The following GPR39 variants were observed in gnomAD, a reference collection of about 807,000 sequenced individuals.
GPR39 encodes G protein-coupled receptor 39.
GPR39 carries 23 observed loss-of-function variants against 18.4 expected under a neutral mutation model. That is an observed-to-expected ratio of 1.25 (90% confidence interval 0.90 to 1.77). The LOEUF (loss-of-function observed/expected upper bound fraction) is 1.77. Ranked by LOEUF, GPR39 falls within the 40% of genes most tolerant of loss-of-function variation. GPR39 has a pLI of 0.00. For missense variants in GPR39, 647 were observed against 602.4 expected (o/e 1.07, Z -0.78); for synonymous variants, 280 against 257.9 (o/e 1.09, Z -0.82).
In GPR39 at chr2:132,645,645, C is replaced by T. The variant is rs375631874; in HGVS notation, c.*39C>T. 6.3e-6 allele frequency: 10 copies of T among 1,577,478 alleles called. No homozygotes were observed. The highest frequency in any genetic ancestry group is 2.7e-5 in the African/African-American group (2 of 73,578). Reference sequence around the variant, plus strand: ...GAGCCTTGAGTGGGAACTGGCCCTCCAGCCCTAAGAAAACGTCACTCTCAC... The same window carrying T: ...GAGCCTTGAGTGGGAACTGGCCCTCTAGCCCTAAGAAAACGTCACTCTCAC... On this transcript the variant is annotated 3_prime_UTR_variant, in exon 2 of 2. Coordinates refer to ENST00000329321, the MANE Select transcript of GPR39 (RefSeq NM_001508.3).
rs151245156 is a variant in GPR39, at chr2:132,486,931, C to T, written c.856+69033C>T. ...TCAGCCTAACTCGGCTTTCGACAAG[C>T]CTTTCTTACTAAGCTTAATCATTTT... On this transcript the variant is annotated intron_variant, in intron 1 of 1. Coordinates refer to ENST00000329321, the MANE Select transcript of GPR39 (RefSeq NM_001508.3). Among the ~76,000 whole-genome samples, 296 of 152,300 alleles carry T rather than the reference C, an allele frequency of 1.9e-3. 3 individuals are homozygous for T. Among genetic ancestry groups the T allele is most frequent in the African/African-American group, 7.0e-3 (290 of 41,550 alleles).
At position 132,515,173 on chromosome 2, in the gene GPR39, G is replaced by C. The variant is rs79261368; in HGVS notation, c.856+97275G>C. 2.0e-5 allele frequency among the ~76,000 whole-genome samples: 3 copies of C among 152,194 alleles called. No individual in the cohort carries two copies. In the East Asian group the frequency reaches 5.8e-4, roughly 29 times the overall value. On this transcript the variant is annotated intron_variant, in intron 1 of 1. Coordinates refer to ENST00000329321, the MANE Select transcript of GPR39 (RefSeq NM_001508.3). ...GACTTCAGCAAGTCACCAGCAGTAG[G>C]TGGCGTTCTGCCAAGGTTTCCACCA...
intron 1 of GPR39, among the ~76,000 whole-genome samples, chr2:132,543,625 G>A (rs545331738): frequency 4.5e-4 from 68 of 152,320 alleles, no homozygotes; most frequent in Non-Finnish European, 6.2e-4. Context: ...GTTTAAGTGC[G>A]TGTTATCTGG....
intron 1 of GPR39, among the ~76,000 whole-genome samples, chr2:132,486,563 G>C (rs1681343826): frequency 1.3e-5 from 2 of 152,200 alleles, no homozygotes; most frequent in African/African-American, 4.8e-5. Flanking sequence ...AGCACTTGCT[G>C]CTTCACTTTG....
chr2:132,512,519 G>T (rs1201246206), intron 1 of GPR39, among the ~76,000 whole-genome samples: 4 of 152,174 alleles, frequency 2.6e-5, no homozygotes, highest in Admixed American at 2.0e-4. Flanking sequence ...CAGATCAGAG[G>T]TTGGGGATTC....
At chr2:132,517,984 G>A (rs1397071591) in intron 1 of GPR39, among the ~76,000 whole-genome samples, 1 of 152,134 alleles carries the variant, frequency 6.6e-6, no homozygotes, top group African/African-American at 2.4e-5. Context: ...TGGGGGGAAT[G>A]GTTAATTATC....
chr2:132,620,944 G>A (rs1681430146), intron 1 of GPR39, among the ~76,000 whole-genome samples: 1 of 152,082 alleles, frequency 6.6e-6, no homozygotes, highest in African/African-American at 2.4e-5. Context: ...AGTAAAGACG[G>A]GGTTTCATTG....
chr2:132,495,492 T>C (rs1681623209), intron 1 of GPR39, among the ~76,000 whole-genome samples: 2 of 152,308 alleles, frequency 1.3e-5, no homozygotes, highest in South Asian at 2.1e-4. Flanking sequence ...CGACTTGCCC[T>C]TACTGGCCGG....
intron 1 of GPR39, among the ~76,000 whole-genome samples, chr2:132,584,670 AG>A (rs1680692198): frequency 6.6e-6 from 1 of 152,140 alleles, no homozygotes; most frequent in Non-Finnish European, 1.5e-5. Flanking sequence ...GATGAAAGGA[AG>A]GAAAGAGAAC....
intron 1 of GPR39, among the ~76,000 whole-genome samples, chr2:132,447,840 A>G (rs547467241): frequency 3.9e-5 from 6 of 152,252 alleles, no homozygotes; most frequent in African/African-American, 1.2e-4. Context: ...TCAAATTCTG[A>G]CTCTCCAAAT....
intron 1 of GPR39, among the ~76,000 whole-genome samples, chr2:132,423,200 G>C (rs1573594299): frequency 6.6e-6 from 1 of 151,964 alleles, no homozygotes; most frequent in East Asian, 1.9e-4. Flanking sequence ...TATTTACTGA[G>C]GACTGGAGAC....
chr2:132,535,712 G>GTTTTT (rs1553454959), intron 1 of GPR39, among the ~76,000 whole-genome samples: 1 of 49,022 alleles, frequency 2.0e-5, no homozygotes, highest in Non-Finnish European at 3.9e-5. Context: ...TTTTTGGTTG[G>GTTTTT]TAGGCTATTA....
intron 1 of GPR39, among the ~76,000 whole-genome samples, chr2:132,616,445 G>A (rs191653474): frequency 1.1e-3 from 162 of 152,292 alleles, no homozygotes; most frequent in African/African-American, 3.6e-3. Context: ...AGGAAGGCAA[G>A]GAGCCAGAAG....
At chr2:132,505,562 C>A (rs552395198) in intron 1 of GPR39, among the ~76,000 whole-genome samples, 2 of 152,304 alleles carry the variant, frequency 1.3e-5, no homozygotes, top group East Asian at 3.9e-4. Context: ...ACCCCACACA[C>A]CCTTCCCAGC....
At chr2:132,586,279 C>A (rs549058674) in intron 1 of GPR39, among the ~76,000 whole-genome samples, 3 of 152,168 alleles carry the variant, frequency 2.0e-5, no homozygotes, top group African/African-American at 7.2e-5. Flanking sequence ...AGGAGAGCAG[C>A]CTGTCGGTGA....
At chr2:132,520,602 C>T (rs1190218935) in intron 1 of GPR39, among the ~76,000 whole-genome samples, 1 of 152,226 alleles carries the variant, frequency 6.6e-6, no homozygotes, top group Non-Finnish European at 1.5e-5. Flanking sequence ...GTAGGGTCCT[C>T]AGAGGCCTCA....
intron 1 of GPR39, among the ~76,000 whole-genome samples, chr2:132,565,223 G>C (rs1344820311): frequency 6.6e-6 from 1 of 152,042 alleles, no homozygotes; most frequent in Non-Finnish European, 1.5e-5. Context: ...TGTGATTCCA[G>C]TATTTAGCCA....
intron 1 of GPR39, among the ~76,000 whole-genome samples, chr2:132,569,285 C>T (rs1311409349): frequency 6.6e-6 from 1 of 152,226 alleles, no homozygotes; most frequent in East Asian, 1.9e-4. Context: ...TTCCTGTGGT[C>T]CCCTCTGCCT....
rs571368607 is a variant in GPR39, at chr2:132,629,270, T to C, written c.857-15831T>C. Among the ~76,000 whole-genome samples, 4 of 152,278 alleles carry C rather than the reference T, an allele frequency of 2.6e-5. No individual in the cohort carries two copies. In the East Asian group the frequency reaches 7.7e-4, roughly 29 times the overall value. On this transcript the variant is annotated intron_variant, in intron 1 of 1. Coordinates refer to ENST00000329321, the MANE Select transcript of GPR39 (RefSeq NM_001508.3). ...AGCCACATGCCATCTGGATGTCTTGTTAAAATGCAGATCCTGACCACAGGT... is the reference window on the plus strand; with the variant it reads ...AGCCACATGCCATCTGGATGTCTTGCTAAAATGCAGATCCTGACCACAGGT...
Sources: gnomAD v4.1 joint callset for allele counts (sites outside exome capture counted in the v4.1 genomes callset) on GRCh38, gnomAD v4.1.1 for gene constraint, MANE v1.5 for transcripts, NCBI Gene and HGNC (gene_info 2026-07-23, HGNC 2026-07-21) for gene names.